DLGAP2: variants seen among roughly 807,000 people sequenced by gnomAD.
The protein encoded by DLGAP2 is DLG associated protein 2.
Under a neutral mutation model 100.3 loss-of-function variants are expected in DLGAP2, and 26 were observed. That is an observed-to-expected ratio of 0.26 (90% CI 0.19 to 0.36). The LOEUF is 0.36. DLGAP2 is among the 10% of genes least tolerant of loss of function. The pLI is 1.00. For missense variants in DLGAP2, 1,858 were observed against 1,453.2 expected (o/e 1.28, Z -4.53); for synonymous variants, 886 against 630.1 (o/e 1.41, Z -6.08).
At chr8:928,890 G>A (rs1341572047) in intron 2 of DLGAP2, among the ~76,000 whole-genome samples, 1 of 151,916 alleles carries the variant, frequency 6.6e-6, no homozygotes, top group Non-Finnish European at 1.5e-5. Flanking sequence ...CAGGGTAGGG[G>A]CAGGGTGGGC....
At chr8:1,376,229 C>G (rs1802384009) in intron 3 of DLGAP2, among the ~76,000 whole-genome samples, 1 of 152,264 alleles carries the variant, frequency 6.6e-6, no homozygotes, top group African/African-American at 2.4e-5. Context: ...TGAAGCCCAG[C>G]TGTGGGTGAA....
At chr8:871,801 C>T (rs1209668126) in intron 1 of DLGAP2, among the ~76,000 whole-genome samples, 1 of 152,132 alleles carries the variant, frequency 6.6e-6, no homozygotes, top group African/African-American at 2.4e-5. Flanking sequence ...AGAAACTGAC[C>T]CTCTGTTAAG....
intron 2 of DLGAP2, among the ~76,000 whole-genome samples, chr8:1,139,810 A>C (rs1358410242): frequency 6.6e-6 from 1 of 151,986 alleles, no homozygotes; most frequent in African/African-American, 2.4e-5. Flanking sequence ...TCAGCACCGT[A>C]AGTGTATTAA....
At chr8:1,055,079 A>G (rs950062289) in intron 2 of DLGAP2, among the ~76,000 whole-genome samples, 13 of 152,228 alleles carry the variant, frequency 8.5e-5, no homozygotes, top group African/African-American at 2.7e-4. Context: ...GTTTATAAGG[A>G]TCAACTTCTT....
chr8:813,891 C>G (rs1253672988), intron 1 of DLGAP2, among the ~76,000 whole-genome samples: 1 of 152,076 alleles, frequency 6.6e-6, no homozygotes, highest in Non-Finnish European at 1.5e-5. Flanking sequence ...GCCCCAGAAG[C>G]AGGACTCCTG....
At chr8:1,255,054 T>C (rs571937452) in intron 2 of DLGAP2, among the ~76,000 whole-genome samples, 1,112 of 108,846 alleles carry the variant, frequency 0.01, 45 homozygotes, top group African/African-American at 0.035. Context: ...TGTGTGTGTG[T>C]CCTCTCATCC....
intron 6 of DLGAP2, among the ~76,000 whole-genome samples, chr8:1,587,459 T>C (rs972173710): frequency 4.6e-5 from 7 of 152,228 alleles, no homozygotes; most frequent in African/African-American, 1.2e-4. Flanking sequence ...TTTGTTTTCT[T>C]AGACCTATTT....
intron 4 of DLGAP2, among the ~76,000 whole-genome samples, chr8:1,509,032 A>C (rs2130363063): frequency 6.6e-6 from 1 of 152,300 alleles, no homozygotes; most frequent in East Asian, 1.9e-4. Flanking sequence ...ACAAAAATAC[A>C]ACAGAGAAGT....
intron 1 of DLGAP2, among the ~76,000 whole-genome samples, chr8:792,332 A>G (rs1027514800): frequency 6.6e-6 from 1 of 152,208 alleles, no homozygotes; most frequent in Non-Finnish European, 1.5e-5. Flanking sequence ...TGGATAAATT[A>G]TGAGTAAGTG....
At chr8:1,527,138 G>T (rs1475444908) in intron 4 of DLGAP2, among the ~76,000 whole-genome samples, 1 of 152,184 alleles carries the variant, frequency 6.6e-6, no homozygotes, top group Non-Finnish European at 1.5e-5. Context: ...ACGTTCACAC[G>T]CCCTATCCAA....
rs201420045 is a variant in DLGAP2 at position 873,772 on chromosome 8, A to G, written c.19-34140A>G. Among the ~76,000 whole-genome samples, 17 of 152,330 alleles carry G rather than the reference A, an allele frequency of 1.1e-4. No homozygotes were observed. The East Asian group carries it at 3.1e-3, about 28-fold the overall frequency. The stretch of plus-strand genomic sequence containing the variant: ...GTTATTAATTGTTCTTTAAATAGAT[A>G]TAAAGAAAGTTTGTTTTGTGGCTTA... On this transcript the variant is annotated intron_variant, in intron 1 of 14. Coordinates refer to ENST00000637795, the MANE Select transcript of DLGAP2 (RefSeq NM_001346810.2).
intron 3 of DLGAP2, among the ~76,000 whole-genome samples, chr8:1,378,946 C>T (rs1563115927): frequency 6.6e-6 from 1 of 152,246 alleles, no homozygotes; most frequent in Non-Finnish European, 1.5e-5. Flanking sequence ...ACTTCTAGCT[C>T]AGGGTAGCTC....
chr8:799,311 C>T (rs1796099669), intron 1 of DLGAP2, among the ~76,000 whole-genome samples: 2 of 152,182 alleles, frequency 1.3e-5, no homozygotes, highest in Middle Eastern at 3.4e-3. Flanking sequence ...GCTTTGTTTA[C>T]AGTTGCGCTT....
Position 1,507,640 on chromosome 8 carries a change from G to T in DLGAP2, c.172+6209G>T, listed in dbSNP as rs1408318138. 3.9e-5 allele frequency among the ~76,000 whole-genome samples: 6 copies of T among 152,296 alleles called. No individual in the cohort carries two copies. The East Asian group carries it at 1.2e-3, about 29-fold the overall frequency. ...CGGAGGAGGCGCCGGGAGTGAGTGA[G>T]GGCTGCCAGCATGCTGTCACCTCTC... On this transcript the variant is annotated intron_variant, in intron 4 of 14. Transcript: ENST00000637795.
chr8:947,298 G>T (rs1271215110), intron 2 of DLGAP2, among the ~76,000 whole-genome samples: 1 of 152,186 alleles, frequency 6.6e-6, no homozygotes, highest in African/African-American at 2.4e-5. Context: ...GCGCCAGGTG[G>T]TTTGGGCCCT....
rs920153831 is a variant in DLGAP2, at chr8:1,373,943, A to G, written c.106+115060A>G. On this transcript the variant is annotated intron_variant, in intron 3 of 14. Coordinates refer to ENST00000637795, the MANE Select transcript of DLGAP2 (RefSeq NM_001346810.2). ...TTCTCTGTTTGAAAAAAGTTATCCC[A>G]ATTGAATAGTCGGTAATTTCTCTTT... 3.3e-5 allele frequency among the ~76,000 whole-genome samples: 5 copies of G among 152,206 alleles called. 1 individual carries two copies. Among genetic ancestry groups the G allele is most frequent in the African/African-American group, 4.8e-5 (2 of 41,450 alleles).
At chr8:1,256,441 C>CTTA in intron 2 of DLGAP2, among the ~76,000 whole-genome samples, 1 of 141,082 alleles carries the variant, frequency 7.1e-6, no homozygotes, top group African/African-American at 2.8e-5. Context: ...CGTCTGTCCT[C>CTTA]TCCTGCCCAG....
chr8:1,568,130 A>T (rs553250016), intron 6 of DLGAP2, among the ~76,000 whole-genome samples: 509 of 149,000 alleles, frequency 3.4e-3, no homozygotes, highest in African/African-American at 0.012. Context: ...CATTCAGCAG[A>T]CACAAATCCA....
intron 8 of DLGAP2, among the ~76,000 whole-genome samples, chr8:1,663,856 T>A (rs1262380871): frequency 6.6e-6 from 1 of 152,206 alleles, no homozygotes; most frequent in African/African-American, 2.4e-5. Flanking sequence ...GGTCATTTGC[T>A]GTTTCTGCCA....
Sources: gnomAD v4.1 joint callset for allele counts (sites outside exome capture counted in the v4.1 genomes callset) on GRCh38, gnomAD v4.1.1 for gene constraint, MANE v1.5 for transcripts, NCBI Gene and HGNC (gene_info 2026-07-23, HGNC 2026-07-21) for gene names.